NFKBIA: variants seen among roughly 807,000 people sequenced by gnomAD.
NFKBIA encodes NF-kappa-B inhibitor alpha.
NFKBIA carries 10 observed loss-of-function variants against 36.3 expected under a neutral mutation model. That is an observed-to-expected ratio of 0.28 (90% CI 0.17 to 0.47). The LOEUF is 0.47. Ranked by LOEUF, NFKBIA falls within the 20% of genes least tolerant of loss-of-function variation. The pLI is 0.99. For missense variants in NFKBIA, 355 were observed against 399.3 expected (o/e 0.89, Z 0.94); for synonymous variants, 205 against 164.4 (o/e 1.25, Z -1.89).
rs901545952 is a variant in NFKBIA at position 35,401,817 on chromosome 14, C to T, written c.*196G>A. 5 of 624,474 alleles carry T rather than the reference C, an allele frequency of 8.0e-6. No individual in the cohort carries two copies. Among genetic ancestry groups the T allele is most frequent in the East Asian group, 2.8e-5 (1 of 36,086 alleles). The allele number at this position is 624,474 out of a possible 1,614,324, so 38.7% of individuals were successfully genotyped here. On this transcript the variant is annotated 3_prime_UTR_variant, in exon 6 of 6. Transcript: ENST00000216797. ...TTCTCAGAATTTCAATGATCTTTCTCGTCCCCTACAAAAAGTTCACAAAAG... is the reference window on the plus strand; with the variant it reads ...TTCTCAGAATTTCAATGATCTTTCTTGTCCCCTACAAAAAGTTCACAAAAG...
intron 1 of NFKBIA, 164 bp downstream of exon 1, chr14:35,404,254 C>T: frequency 2.4e-6 from 1 of 411,096 alleles, no homozygotes; most frequent in Non-Finnish European, 4.0e-6. Context: ...GGCCCTGCAG[C>T]CCTGCAGCGT....
At position 35,402,819 on chromosome 14, in the gene NFKBIA, C is replaced by T; in HGVS notation, c.588G>A (p.Leu196=). Residue 196 remains leucine, a synonymous_variant, in exon 4 of 6, where the codon CTG becomes CTA. Transcript: ENST00000216797. ...AGGACACCAAAAGCTCCACGATGCC[C>T]AGGTAGCCATGGATAGAGGCTAAGT... ...CLHLASIHGY[L]GIVELLVSLG... 2 of 1,614,204 alleles carry T rather than the reference C, an allele frequency of 1.2e-6. No individual in the cohort carries two copies. The highest frequency in any genetic ancestry group is 1.7e-6 in the Non-Finnish European group (2 of 1,180,040).
At position 35,404,398 on chromosome 14, in the gene NFKBIA, C is replaced by G. The variant is rs1301604668; in HGVS notation, c.227+20G>C. ...TCCCGCCCTCCCGACGACCCCCAGC[C>G]CCGGGCCTCCGCCACTTACGAGTCC... On this transcript the variant is annotated intron_variant, in intron 1 of 5. Coordinates refer to ENST00000216797, the MANE Select transcript of NFKBIA (RefSeq NM_020529.3). 1.9e-6 allele frequency: 3 copies of G among 1,551,910 alleles called. No individual in the cohort carries two copies. Among genetic ancestry groups the G allele is most frequent in the South Asian group, 1.2e-5 (1 of 85,236 alleles).
At chr14:35,403,518 C>T (rs911919645) in intron 2 of NFKBIA, 158 bp from the exon 3 acceptor site, 26 of 906,544 alleles carry the variant, frequency 2.9e-5, no homozygotes, top group Non-Finnish European at 4.3e-5. Flanking sequence ...TCATAAAGAC[C>T]TCACCAAATC....
Position 35,403,369 on chromosome 14 carries a change from G to C in NFKBIA, c.337-9C>G. 1.2e-6 allele frequency: 2 copies of C among 1,613,738 alleles called. No homozygotes were observed. The highest frequency in any genetic ancestry group is 1.1e-5 in the South Asian group (1 of 91,062). On this transcript the variant is annotated splice_polypyrimidine_tract_variant and intron_variant, in intron 2 of 5. Coordinates refer to ENST00000216797, the MANE Select transcript of NFKBIA (RefSeq NM_020529.3). ...GCCAAGTGGAGTGGAGTCTACGAAT[G>C]CAAGAGAGACCAGAGAAAGTAAGCC...
rs760704249 is a variant in NFKBIA, at chr14:35,404,420, G to A, written c.225C>T (p.Asp75=). The A allele has an allele frequency of 1.9e-6, 3 of 1,556,072 alleles. No homozygotes were observed. Among genetic ancestry groups the A allele is most frequent in the Admixed American group, 1.8e-5 (1 of 56,276 alleles). The change falls in exon 1 of 6, where the codon GAC becomes GAT. Residue 75 remains aspartate (D), a splice_region_variant and synonymous_variant. Coordinates refer to ENST00000216797, the MANE Select transcript of NFKBIA (RefSeq NM_020529.3). ...PWKQQLTEDG[D]SFLHLAIIHE... is the part of the protein sequence containing the mutation. ...AGCCCCGGGCCTCCGCCACTTACGA[G>A]TCCCCGTCCTCGGTGAGCTGCTGCT...
chr14:35,402,157 C>A, intron 5 of NFKBIA, 97 bp from the exon 6 acceptor site: 1 of 1,393,034 alleles, frequency 7.2e-7, no homozygotes, highest in Non-Finnish European at 1.0e-6. Flanking sequence ...AACTCTTGGA[C>A]TCCATTCTCC....
chr14:35,404,722 C>T lies in NFKBIA; in HGVS notation c.-78G>A, dbSNP rs967571280. 7 of 1,044,872 alleles carry T rather than the reference C, an allele frequency of 6.7e-6. No individual in the cohort carries two copies. Among genetic ancestry groups the T allele is most frequent in the Non-Finnish European group, 7.5e-6 (6 of 795,560 alleles). The allele number at this position is 1,044,872 out of a possible 1,614,324, so 64.7% of individuals were successfully genotyped here. On this transcript the variant is annotated 5_prime_UTR_variant, in exon 1 of 6. Coordinates refer to ENST00000216797, the MANE Select transcript of NFKBIA (RefSeq NM_020529.3). ...CGCTGCTTCCTCGCTGGGGCGCTGG[C>T]GGGCGGGACGGCGGCACGGACTGCT...
rs933261811 is a variant in NFKBIA, at chr14:35,404,649, C to T, written c.-5G>A. On this transcript the variant is annotated 5_prime_UTR_variant, in exon 1 of 6. Transcript: ENST00000216797. ...GCGCTCGGCCGCCTGGAACATGGCGCGGACGAGCTGCGGGCGCTGCTGCGG... is the reference window on the plus strand; with the variant it reads ...GCGCTCGGCCGCCTGGAACATGGCGTGGACGAGCTGCGGGCGCTGCTGCGG... 77 of 1,482,610 alleles carry T rather than the reference C, an allele frequency of 5.2e-5. No individual in the cohort carries two copies. The highest frequency in any genetic ancestry group is 6.7e-5 in the Non-Finnish European group (75 of 1,114,084). 91.8% of individuals were successfully genotyped at this position (1,482,610 alleles called of 1,614,324 possible).
chr14:35,404,243 C>T, intron 1 of NFKBIA, 175 bp downstream of exon 1: 1 of 367,406 alleles, frequency 2.7e-6, no homozygotes, highest in Non-Finnish European at 4.6e-6. Flanking sequence ...GTGCCCCGCG[C>T]GGCCCTGCAG....
rs112369437 is a variant in NFKBIA, at chr14:35,401,932, C to G, written c.*81G>C. The G allele has an allele frequency of 7.7e-7, 1 of 1,294,522 alleles. No individual in the cohort carries two copies. The highest frequency in any genetic ancestry group is 4.2e-5 in the East Asian group (1 of 23,952). 80.2% of individuals were successfully genotyped at this position (1,294,522 alleles called of 1,614,324 possible). On this transcript the variant is annotated 3_prime_UTR_variant, in exon 6 of 6. Transcript: ENST00000216797. ...TATAAGTACACCCTTTAAATTTTTT[C>G]TTCTTTTTTCTTTTTTTAGAAAAAT...
intron 3 of NFKBIA, 80 bp from the exon 4 acceptor site, chr14:35,402,939 GTCTTA>G (rs1293603431): frequency 8.0e-5 from 113 of 1,419,338 alleles, no homozygotes; most frequent in Non-Finnish European, 9.6e-5. Context: ...GGAACAAGTA[GTCTTA>G]TCTTCTGAAT....
rs948218872 is a variant in NFKBIA, at chr14:35,401,785, A to G, written c.*228T>C. 1 of 584,186 alleles carries G rather than the reference A, an allele frequency of 1.7e-6. No homozygotes were observed. The highest frequency in any genetic ancestry group is 3.1e-6 in the Non-Finnish European group (1 of 327,006). 36.2% of individuals were successfully genotyped at this position (584,186 alleles called of 1,614,324 possible). ...AAACCCCACAAAGGTGAGGTTTAAA[A>G]GAAGTTTTCTCAGAATTTCAATGAT... is the stretch of plus-strand genomic sequence containing the variant. On this transcript the variant is annotated 3_prime_UTR_variant, in exon 6 of 6. Transcript: ENST00000216797.
At chr14:35,402,152 T>C in intron 5 of NFKBIA, 92 bp from the exon 6 acceptor site, 1 of 1,458,936 alleles carries the variant, frequency 6.9e-7, no homozygotes, top group Non-Finnish European at 9.6e-7. Context: ...GAAATAACTC[T>C]TGGACTCCAT....
chr14:35,403,377 G>C lies in NFKBIA; in HGVS notation c.337-17C>G, dbSNP rs1367251506. ...GAGTGGAGTCTACGAATGCAAGAGA[G>C]ACCAGAGAAAGTAAGCCATGGACCA... On this transcript the variant is annotated splice_polypyrimidine_tract_variant and intron_variant, in intron 2 of 5. Coordinates refer to ENST00000216797, the MANE Select transcript of NFKBIA (RefSeq NM_020529.3). The C allele has an allele frequency of 6.2e-7, 1 of 1,613,464 alleles. No homozygotes were observed.
chr14:35,401,699 C>T lies in NFKBIA; in HGVS notation c.*314G>A. The T allele has an allele frequency of 2.2e-6, 1 of 462,430 alleles. No homozygotes were observed. The highest frequency in any genetic ancestry group is 3.9e-6 in the Non-Finnish European group (1 of 255,526). The allele number at this position is 462,430 out of a possible 1,614,324, so 28.6% of individuals were successfully genotyped here. Reference sequence around the variant, plus strand: ...CACAGGATACCACTGGGGTCAGTCACTCGAAGCACAATAAATATAAAATGT... The same window carrying T: ...CACAGGATACCACTGGGGTCAGTCATTCGAAGCACAATAAATATAAAATGT... On this transcript the variant is annotated 3_prime_UTR_variant, in exon 6 of 6. Transcript: ENST00000216797.
Position 35,404,713 on chromosome 14 carries a change from G to T in NFKBIA, c.-69C>A. 1 of 1,128,588 alleles carries T rather than the reference G, an allele frequency of 8.9e-7. No homozygotes were observed. The highest frequency in any genetic ancestry group is 1.1e-6 in the Non-Finnish European group (1 of 870,900). The allele number at this position is 1,128,588 out of a possible 1,614,324, so 69.9% of individuals were successfully genotyped here. A position where few individuals can be genotyped will look rare whatever the true frequency, so the allele number is the denominator to read the frequency against. ...CGGGCTGCGCGCTGCTTCCTCGCTG[G>T]GGCGCTGGCGGGCGGGACGGCGGCA... is the stretch of plus-strand genomic sequence containing the variant. On this transcript the variant is annotated 5_prime_UTR_variant, in exon 1 of 6. Coordinates refer to ENST00000216797, the MANE Select transcript of NFKBIA (RefSeq NM_020529.3).
chr14:35,403,183 G>C lies in NFKBIA; in HGVS notation c.514C>G (p.Leu172Val). 1 of 1,612,222 alleles carries C rather than the reference G, an allele frequency of 6.2e-7. No individual in the cohort carries two copies. The highest frequency in any genetic ancestry group is 1.1e-5 in the South Asian group (1 of 90,998). The change falls in exon 3 of 6, where the codon CTC becomes GTC. Residue 172 changes from leucine to valine, a missense_variant. By Grantham distance (32) the Leu-to-Val change is conservative (BLOSUM62 1). Transcript: ENST00000216797. The part of the protein sequence containing the change: ...VLTQSCTTPH[L>V]HSILKATNYN... ...TTGGTAGCCTTCAGGATGGAGTGGA[G>C]GTGCGGGGTGGTGCAGGACTGAGTC...
chr14:35,403,860 G>T, intron 1 of NFKBIA, 62 bp from the exon 2 acceptor site: 5 of 1,257,614 alleles, frequency 4.0e-6, no homozygotes, highest in Non-Finnish European at 5.7e-6. Flanking sequence ...GCCCAGGGAG[G>T]CGCGGGCTGC....
Sources: gnomAD v4.1 joint callset for allele counts on GRCh38, gnomAD v4.1.1 for gene constraint, MANE v1.5 for transcripts, NCBI Gene and HGNC (gene_info 2026-07-23, HGNC 2026-07-21) for gene names.